FOXP2: variants seen among roughly 807,000 people sequenced by gnomAD.
FOXP2 encodes forkhead box P2.
A neutral mutation model predicts 115.8 loss-of-function variants in FOXP2; 12 were observed. The observed-to-expected ratio is 0.10, with a 90% CI of 0.07 to 0.17. The LOEUF (loss-of-function observed/expected upper bound fraction) is 0.17. FOXP2 is among the 10% of genes least tolerant of loss of function. FOXP2 has a pLI of 1.00. For missense variants in FOXP2, 629 were observed against 843.5 expected (o/e 0.75, Z 3.15); for synonymous variants, 328 against 297.7 (o/e 1.10, Z -1.05).
At chr7:114,353,596 C>T (rs545795612) in intron 2 of FOXP2, among the ~76,000 whole-genome samples, 1 of 152,184 alleles carries the variant, frequency 6.6e-6, no homozygotes, top group Admixed American at 6.5e-5. Context: ...CATCCATAAA[C>T]TTTGACACTT....
At chr7:114,365,826 A>G (rs923834529) in intron 2 of FOXP2, among the ~76,000 whole-genome samples, 10 of 152,280 alleles carry the variant, frequency 6.6e-5, no homozygotes, top group African/African-American at 2.4e-4. Context: ...CAAAAAAACA[A>G]TTACATCTCT....
chr7:114,533,819 T>C (rs1584862494), intron 2 of FOXP2, among the ~76,000 whole-genome samples: 1 of 151,950 alleles, frequency 6.6e-6, no homozygotes, highest in Non-Finnish European at 1.5e-5. Flanking sequence ...CTAGCTTTTA[T>C]ATGTTAAGTT....
chr7:114,590,915 T>C (rs1367096662), intron 3 of FOXP2, among the ~76,000 whole-genome samples: 1 of 152,054 alleles, frequency 6.6e-6, no homozygotes, highest in Admixed American at 6.6e-5. Flanking sequence ...ACGTACTTTT[T>C]CTGGGGAAGG....
At chr7:114,157,089 CTT>C (rs1792691581) in intron 1 of FOXP2, among the ~76,000 whole-genome samples, 1 of 152,128 alleles carries the variant, frequency 6.6e-6, no homozygotes. Flanking sequence ...ACATAACTGT[CTT>C]TGAGTTATAC....
chr7:114,157,409 T>C (rs1052053812), intron 1 of FOXP2, among the ~76,000 whole-genome samples: 1 of 151,998 alleles, frequency 6.6e-6, no homozygotes, highest in Non-Finnish European at 1.5e-5. Context: ...ATGGTAACAT[T>C]TGGACAAATA....
chr7:114,151,543 AAG>A (rs1321702622), intron 1 of FOXP2, among the ~76,000 whole-genome samples: 4 of 152,056 alleles, frequency 2.6e-5, no homozygotes, highest in Admixed American at 2.0e-4. Context: ...AAACTTATGT[AAG>A]AGAGAGAGAA....
At chr7:114,387,685 T>C (rs184812974) in intron 2 of FOXP2, among the ~76,000 whole-genome samples, 3 of 152,266 alleles carry the variant, frequency 2.0e-5, no homozygotes, top group South Asian at 2.1e-4. Context: ...GGTATAAACA[T>C]TGTAGAATTT....
chr7:114,652,392 A>G, intron 9 of FOXP2, 102 bp downstream of exon 9: 3 of 983,258 alleles, frequency 3.1e-6, no homozygotes, highest in Non-Finnish European at 4.8e-6. Flanking sequence ...TTACTGTCTT[A>G]GCCATTCAAT....
upstream of FOXP2, among the ~76,000 whole-genome samples, chr7:114,160,632 G>C (rs1019594283): frequency 2.0e-5 from 3 of 152,126 alleles, no homozygotes; most frequent in African/African-American, 4.8e-5. Context: ...ATGTATTATA[G>C]TAAAGTGTCA....
chr7:114,432,599 C>A (rs1794163127), intron 2 of FOXP2, among the ~76,000 whole-genome samples: 1 of 151,508 alleles, frequency 6.6e-6, no homozygotes, highest in South Asian at 2.1e-4. Context: ...CTTTAAATAT[C>A]CTAAAGTTTA....
chr7:114,418,561 A>G (rs1036779791), intron 1 of FOXP2, among the ~76,000 whole-genome samples: 7 of 151,894 alleles, frequency 4.6e-5, no homozygotes, highest in African/African-American at 1.7e-4. Context: ...AGAAAAAAAG[A>G]AAGAGAAAAG....
chr7:114,483,289 G>T (rs1362405347), intron 2 of FOXP2, among the ~76,000 whole-genome samples: 1 of 151,266 alleles, frequency 6.6e-6, no homozygotes, highest in Non-Finnish European at 1.5e-5. Context: ...CTGGATTATT[G>T]CATGGTTGGT....
intron 2 of FOXP2, among the ~76,000 whole-genome samples, chr7:114,517,362 C>T (rs1269508368): frequency 9.9e-5 from 15 of 152,220 alleles, no homozygotes; most frequent in Admixed American, 8.5e-4. Flanking sequence ...TCCCGTCGGT[C>T]TATTTCTACT....
intron 2 of FOXP2, among the ~76,000 whole-genome samples, chr7:114,526,931 T>C (rs1798906112): frequency 6.6e-6 from 1 of 151,986 alleles, no homozygotes; most frequent in Non-Finnish European, 1.5e-5. Flanking sequence ...AGAAACCCCA[T>C]TCTCATTAGC....
chr7:114,557,517 A>G (rs563639600), intron 3 of FOXP2, among the ~76,000 whole-genome samples: 27 of 152,242 alleles, frequency 1.8e-4, no homozygotes, highest in African/African-American at 6.5e-4. Context: ...TGACTCCCAA[A>G]TTTTAAAATG....
At chr7:114,624,176 T>C (rs1452818497) in intron 3 of FOXP2, among the ~76,000 whole-genome samples, 2 of 151,808 alleles carry the variant, frequency 1.3e-5, no homozygotes, top group Non-Finnish European at 3.0e-5. Flanking sequence ...AAGAAATGTA[T>C]CAAGAATGTA....
At chr7:114,596,955 T>C (rs546518231) in intron 3 of FOXP2, among the ~76,000 whole-genome samples, 1 of 152,240 alleles carries the variant, frequency 6.6e-6, no homozygotes, top group African/African-American at 2.4e-5. Context: ...TGTACTGTAA[T>C]GTAATCACAG....
chr7:114,236,926 G>A lies in FOXP2; in HGVS notation c.-101-51093G>A, dbSNP rs536840549. 8.3e-4 allele frequency among the ~76,000 whole-genome samples: 127 copies of A among 152,224 alleles called. 1 individual carries two copies. The highest frequency in any genetic ancestry group is 2.9e-3 in the African/African-American group (121 of 41,526). On this transcript the variant is annotated intron_variant, in intron 1 of 17. Coordinates refer to the FOXP2 transcript ENST00000634411. ...CAGGAGGTGAAGGCTGCAGTGAGCC[G>A]AGATCATGCAACTGACTCCATCCTA... is the stretch of plus-strand genomic sequence containing the variant.
At chr7:114,607,446 A>C (rs1162212987) in intron 3 of FOXP2, among the ~76,000 whole-genome samples, 1 of 152,216 alleles carries the variant, frequency 6.6e-6, no homozygotes, top group Non-Finnish European at 1.5e-5. Context: ...AAACAGAAAG[A>C]GACCTATAAG....
Sources: allele counts gnomAD v4.1 joint callset (sites outside exome capture counted in the v4.1 genomes callset), GRCh38; gene constraint gnomAD v4.1.1; transcripts MANE v1.5; gene names NCBI Gene and HGNC (gene_info 2026-07-23, HGNC 2026-07-21).